ACACA: variants seen among roughly 807,000 people sequenced by gnomAD.
ACACA encodes acetyl-CoA carboxylase alpha, also known as acetyl-CoA carboxylase 1.
Under a neutral mutation model 296.1 loss-of-function variants are expected in ACACA, and 103 were observed. That is an observed-to-expected ratio of 0.35 (90% CI 0.30 to 0.41). ACACA has a LOEUF of 0.41. Among genes scored for constraint, ACACA ranks in the 10% least tolerant of loss-of-function variants. ACACA has a pLI of 1.00. For synonymous variants in ACACA, 953 were observed against 1,038.6 expected (o/e 0.92, Z 1.58); for missense variants, 1,554 against 2,989.7 (o/e 0.52, Z 11.20).
intron 35 of ACACA, 157 bp from the exon 36 acceptor site, chr17:37,193,572 C>T (rs1211724599): frequency 9.2e-6 from 5 of 543,098 alleles, no homozygotes; most frequent in Non-Finnish European, 1.7e-5. Context: ...GAATGATCCT[C>T]CGCATAACCA....
chr17:37,196,123 G>T (rs1438299427), intron 35 of ACACA, among the ~76,000 whole-genome samples: 2 of 151,980 alleles, frequency 1.3e-5, no homozygotes, highest in African/African-American at 4.8e-5. Flanking sequence ...ACTAATAATC[G>T]TGTTAAAAAC....
At chr17:37,259,287 C>T (rs1284973546) in intron 12 of ACACA, 73 bp downstream of exon 12, 3 of 1,554,128 alleles carry the variant, frequency 1.9e-6, no homozygotes, top group Non-Finnish European at 2.7e-6. Flanking sequence ...TCTCTTATCA[C>T]ACACTGGTTA....
At chr17:37,191,940 A>T in intron 37 of ACACA, 150 bp downstream of exon 37, 1 of 808,002 alleles carries the variant, frequency 1.2e-6, no homozygotes, top group Non-Finnish European at 1.9e-6. Context: ...GTAAACATTG[A>T]AATAGAACAA....
intron 40 of ACACA, among the ~76,000 whole-genome samples, chr17:37,180,656 CATA>C (rs2077284382): frequency 6.6e-6 from 1 of 152,110 alleles, no homozygotes. Flanking sequence ...GGCTGAGATT[CATA>C]ATGTCATATT....
intron 3 of ACACA, chr17:37,301,354 T>C (rs2146888015): frequency 1.0e-6 from 1 of 984,954 alleles, no homozygotes; most frequent in East Asian, 1.1e-4. Flanking sequence ...TAATCTACCA[T>C]GAACAGTGTC....
chr17:37,326,324 T>C (rs1024831208), intron 3 of ACACA, among the ~76,000 whole-genome samples: 2 of 151,358 alleles, frequency 1.3e-5, no homozygotes, highest in South Asian at 2.1e-4. Context: ...TCACCTGAGG[T>C]TGGGAGTTCG....
intron 45 of ACACA, among the ~76,000 whole-genome samples, chr17:37,135,569 G>C (rs1012409299): frequency 2.0e-5 from 3 of 152,226 alleles, no homozygotes; most frequent in Admixed American, 6.5e-5. Context: ...GGTACTGTCA[G>C]TGGAAGGAAA....
At chr17:37,339,775 G>A (rs983567290) in intron 2 of ACACA, 29 bp downstream of exon 2, 3 of 1,326,854 alleles carry the variant, frequency 2.3e-6, no homozygotes, top group Non-Finnish European at 3.2e-6. Flanking sequence ...TTATCACATT[G>A]TAAACAAGGA....
intron 16 of ACACA, among the ~76,000 whole-genome samples, chr17:37,251,257 T>C (rs570674272): frequency 6.6e-6 from 1 of 152,280 alleles, no homozygotes; most frequent in Non-Finnish European, 1.5e-5. Flanking sequence ...GGGATTTAGA[T>C]TTGATACAGA....
chr17:37,359,355 C>T (rs2049302762), intron 1 of ACACA, among the ~76,000 whole-genome samples: 1 of 151,912 alleles, frequency 6.6e-6, no homozygotes, highest in Admixed American at 6.6e-5. Flanking sequence ...CGATGTGAGG[C>T]GATGCCGATG....
At chr17:37,405,889 A>G (rs1301845566) in intron 1 of ACACA, among the ~76,000 whole-genome samples, 1 of 105,238 alleles carries the variant, frequency 9.5e-6, no homozygotes, top group Non-Finnish European at 1.8e-5. Flanking sequence ...ATGAACTTGT[A>G]TTATGCATAT....
intron 3 of ACACA, among the ~76,000 whole-genome samples, chr17:37,305,556 G>C (rs896012374): frequency 1.3e-5 from 2 of 152,314 alleles, no homozygotes; most frequent in South Asian, 4.1e-4. Context: ...GTCTGCCCTA[G>C]CTGTTACTTT....
chr17:37,385,095 G>A (rs368545285), intron 1 of ACACA, among the ~76,000 whole-genome samples: 2 of 152,024 alleles, frequency 1.3e-5, no homozygotes, highest in East Asian at 3.8e-4. Flanking sequence ...CTGGACTTTT[G>A]CAATGGCCTC....
intron 23 of ACACA, 37 bp downstream of exon 23, chr17:37,241,916 T>C (rs764245107): frequency 5.8e-6 from 9 of 1,542,170 alleles, no homozygotes; most frequent in South Asian, 5.6e-5. Context: ...GACATGAGTA[T>C]GGACAGGTCT....
intron 13 of ACACA, 91 bp from the exon 14 acceptor site, chr17:37,257,957 C>T: frequency 6.7e-7 from 1 of 1,500,702 alleles, no homozygotes; most frequent in East Asian, 2.3e-5. Context: ...GTTAATCACA[C>T]ACAGAAGCAG....
rs983185010 is a variant in ACACA at position 37,207,925 on chromosome 17, G to T, written c.3708-125C>A. ...AGGGTCAGGTTGCAGAGCAGATTTG[G>T]TTTTTTTACCCACTATGGATAAGGT... On this transcript the variant is annotated intron_variant, in intron 30 of 55. Coordinates refer to ENST00000616317, the MANE Select transcript of ACACA (RefSeq NM_198834.3). 1.9e-5 allele frequency: 21 copies of T among 1,124,602 alleles called. No individual in the cohort carries two copies. The African/African-American group carries it at 2.6e-4, about 14-fold the overall frequency. The allele number at this position is 1,124,602 out of a possible 1,614,324, so 69.7% of individuals were successfully genotyped here.
intron 1 of ACACA, chr17:37,388,759 ATTATAGTATT>A (rs1568092377): frequency 6.2e-7 from 1 of 1,613,140 alleles, no homozygotes; most frequent in East Asian, 2.2e-5. Context: ...TGGAGTTGCC[ATTATAGTATT>A]TGTAATTTTT....
At chr17:37,298,467 A>G (rs994947930) in intron 3 of ACACA, among the ~76,000 whole-genome samples, 2 of 152,118 alleles carry the variant, frequency 1.3e-5, no homozygotes, top group Admixed American at 1.3e-4. Context: ...GAATTGCTTG[A>G]GTATAGGAGT....
intron 29 of ACACA, among the ~76,000 whole-genome samples, chr17:37,214,423 C>G (rs1347930347): frequency 1.3e-5 from 2 of 152,182 alleles, no homozygotes; most frequent in African/African-American, 2.4e-5. Flanking sequence ...AGGTTTTGCT[C>G]TTTCTGAAAC....
Sources: gnomAD v4.1 joint callset for allele counts (sites outside exome capture counted in the v4.1 genomes callset) on GRCh38, gnomAD v4.1.1 for gene constraint, MANE v1.5 for transcripts, NCBI Gene and HGNC (gene_info 2026-07-23, HGNC 2026-07-21) for gene names.